Variants in C4orf50 observed in about 807,000 individuals in gnomAD.
C4orf50 encodes chromosome 4 open reading frame 50.
A neutral mutation model predicts 77.2 loss-of-function variants in C4orf50; 80 were observed. That is an observed-to-expected ratio of 1.04 (90% confidence interval 0.87 to 1.25). C4orf50 has a LOEUF of 1.25. Ranked by LOEUF, C4orf50 falls within the 50% of genes most tolerant of loss-of-function variation. The probability of loss-of-function intolerance (pLI) is 0.00; values close to 1 mark genes in which losing one functional copy is unlikely to be tolerated. For missense variants in C4orf50, 1,257 were observed against 1,152.9 expected, an observed-to-expected ratio of 1.09 and a Z score of -1.31; for synonymous variants, 532 against 465.3, an observed-to-expected ratio of 1.14 and a Z score of -1.84.
rs144627819 is a variant in C4orf50 at position 5,943,611 on chromosome 4, A to C, written c.*2474+13290T>G. 6.7e-3 allele frequency among the ~76,000 whole-genome samples: 1,019 copies of C among 152,314 alleles called. 18 individuals are homozygous for C. Among genetic ancestry groups the C allele is most frequent in the African/African-American group, 0.023 (976 of 41,562 alleles). On this transcript the variant is annotated intron_variant, in intron 7 of 7. Coordinates refer to the C4orf50 transcript ENST00000324058. The stretch of plus-strand genomic sequence containing the variant: ...TTCCTCTCTCCTCACAGCTGTGAGA[A>C]TCAAACAAGAGCACACATCAAGAGA...
intron 28 of C4orf50, among the ~76,000 whole-genome samples, chr4:5,986,537 CAT>C (rs1491295609): frequency 8.2e-6 from 1 of 121,512 alleles, no homozygotes; most frequent in African/African-American, 3.3e-5. Context: ...ATAACAACGT[CAT>C]TTTTTTTTTT....
intron 28 of C4orf50, among the ~76,000 whole-genome samples, chr4:5,986,989 T>C (rs1267177678): frequency 6.6e-6 from 1 of 152,138 alleles, no homozygotes; most frequent in Non-Finnish European, 1.5e-5. Flanking sequence ...GTGGGATGCT[T>C]AGAGAGAAAT....
exon 34 of C4orf50, chr4:5,959,622 G>C: frequency 6.2e-7 from 1 of 1,611,682 alleles, no homozygotes; most frequent in Non-Finnish European, 8.5e-7. Context: ...CAAGGACAGA[G>C]GGAGCTGCAG....
chr4:5,951,044 A>G (rs1000247628), intron 7 of C4orf50, among the ~76,000 whole-genome samples: 1 of 152,218 alleles, frequency 6.6e-6, no homozygotes, highest in Non-Finnish European at 1.5e-5. Context: ...CCAAAGCAGC[A>G]TGTGCTTTTC....
chr4:5,925,670 C>T lies in C4orf50; in HGVS notation c.*2475-27482G>A, dbSNP rs145046484. Among the ~76,000 whole-genome samples the T allele has an allele frequency of 3.8e-3, 579 of 152,382 alleles. 3 individuals carry two copies. Among genetic ancestry groups the T allele is most frequent in the African/African-American group, 0.013 (524 of 41,588 alleles). Reference sequence around the variant, plus strand: ...GCTTCCACCCAGCACTGCCTGAGCACGGCCCTGTGGTCACAGAAATGCCCA... The same window carrying T: ...GCTTCCACCCAGCACTGCCTGAGCATGGCCCTGTGGTCACAGAAATGCCCA... On this transcript the variant is annotated intron_variant, in intron 7 of 7. Transcript: ENST00000324058.
At chr4:5,972,161 C>T (rs778925610) in intron 31 of C4orf50, among the ~76,000 whole-genome samples, 3 of 151,988 alleles carry the variant, frequency 2.0e-5, no homozygotes, top group Non-Finnish European at 2.9e-5. Flanking sequence ...CATGCCACCA[C>T]GCCTAGCTAA....
Position 5,970,695 on chromosome 4 carries a change from G to T in C4orf50, c.4104+2964C>A, listed in dbSNP as rs1464915739. 6.6e-6 allele frequency among the ~76,000 whole-genome samples: 1 copy of T among 152,232 alleles called. No individual in the cohort carries two copies. The highest frequency in any genetic ancestry group is 1.5e-5 in the Non-Finnish European group (1 of 68,042). On this transcript the variant is annotated intron_variant, in intron 31 of 33. Coordinates refer to ENST00000531445, the Ensembl canonical transcript of C4orf50. The surrounding 1 kb of genome is among the most constrained non-coding windows in gnomAD (Gnocchi z 4.3). ...AATACAAAGACTCAGTCACGTGCAG[G>T]GAGGGGAGGTGGTCACCGACTGCTG...
chr4:5,993,698 TC>T (rs1328317406), intron 26 of C4orf50, among the ~76,000 whole-genome samples: 1 of 151,982 alleles, frequency 6.6e-6, no homozygotes, highest in Non-Finnish European at 1.5e-5. Flanking sequence ...GAGCCTGTAA[TC>T]CCAGCTACTT....
chr4:6,004,741 T>C (rs1026941961), intron 25 of C4orf50, among the ~76,000 whole-genome samples: 2 of 151,230 alleles, frequency 1.3e-5, no homozygotes, highest in Admixed American at 6.6e-5. Flanking sequence ...ATAGTGATGA[T>C]GGTGATGATG....
At chr4:5,941,466 C>A (rs1718262522) in intron 7 of C4orf50, among the ~76,000 whole-genome samples, 3 of 152,150 alleles carry the variant, frequency 2.0e-5, no homozygotes, top group South Asian at 4.1e-4. Flanking sequence ...ACTTCCCACA[C>A]CCTCATCTCT....
At chr4:5,909,593 T>C (rs891247800) in intron 7 of C4orf50, among the ~76,000 whole-genome samples, 1 of 152,234 alleles carries the variant, frequency 6.6e-6, no homozygotes, top group Non-Finnish European at 1.5e-5. Flanking sequence ...CTCAGACCAA[T>C]GTCCTGAAGC....
At chr4:5,923,087 C>T (rs115510401) in intron 7 of C4orf50, among the ~76,000 whole-genome samples, 3,495 of 152,260 alleles carry the variant, frequency 0.023, 54 homozygotes, top group South Asian at 0.044. Context: ...CTGGAGTAGA[C>T]GCGATTTTCC....
intron 28 of C4orf50, among the ~76,000 whole-genome samples, chr4:5,987,885 T>C (rs559678939): frequency 1.3e-5 from 2 of 152,208 alleles, no homozygotes; most frequent in Non-Finnish European, 2.9e-5. Flanking sequence ...GTCACAGCTC[T>C]GAAAGCACAG....
intron 33 of C4orf50, among the ~76,000 whole-genome samples, chr4:5,963,267 T>C (rs1719377000): frequency 6.6e-6 from 1 of 152,142 alleles, no homozygotes; most frequent in Admixed American, 6.5e-5. Context: ...AGTGCTGGGA[T>C]TACAGGTGTG....
intron 32 of C4orf50, 56 bp downstream of exon 10, chr4:5,967,358 C>A: frequency 7.0e-7 from 1 of 1,431,194 alleles, no homozygotes; most frequent in Non-Finnish European, 9.9e-7. Context: ...CAGCGTCCTG[C>A]CGGCCTGGAC....
chr4:5,969,916 G>A (rs1437657236), intron 31 of C4orf50, among the ~76,000 whole-genome samples: 1 of 152,094 alleles, frequency 6.6e-6, no homozygotes, highest in Non-Finnish European at 1.5e-5. Context: ...CATCTGTGGA[G>A]TGGACCCCAG....
chr4:5,938,102 A>G (rs1483751818), intron 7 of C4orf50, among the ~76,000 whole-genome samples: 1 of 152,212 alleles, frequency 6.6e-6, no homozygotes, highest in Non-Finnish European at 1.5e-5. Context: ...AGTCTGAAAC[A>G]TTAGTATAAT....
intron 28 of C4orf50, 105 bp from the exon 7 acceptor site, chr4:5,980,443 G>C: frequency 1.2e-6 from 1 of 843,750 alleles, no homozygotes; most frequent in Non-Finnish European, 1.8e-6. Context: ...TTTTTTTTTT[G>C]TTGTTGTTGT....
At chr4:5,999,814 A>C (rs1333499891) in intron 25 of C4orf50, among the ~76,000 whole-genome samples, 1 of 152,142 alleles carries the variant, frequency 6.6e-6, no homozygotes, top group East Asian at 1.9e-4. Context: ...AGAGAAAGCA[A>C]CATTCCCAAC....
Sources: gnomAD v4.1 joint callset for allele counts (sites outside exome capture counted in the v4.1 genomes callset) on GRCh38, gnomAD v4.1.1 for gene constraint, Gnocchi (gnomAD v3.1) non-coding constraint, MANE v1.5 for transcripts, NCBI Gene and HGNC (gene_info 2026-07-23, HGNC 2026-07-21) for gene names.